Variants in HIVEP3 observed in about 807,000 individuals in gnomAD.
The protein encoded by HIVEP3 is HIVEP zinc finger 3, also known as transcription factor HIVEP3.
Under a neutral mutation model 152.8 loss-of-function variants are expected in HIVEP3, and 49 were observed. The observed-to-expected ratio is 0.32, with a 90% CI of 0.26 to 0.41. The LOEUF is 0.41. Ranked by LOEUF, HIVEP3 falls within the 10% of genes least tolerant of loss-of-function variation. HIVEP3 has a pLI of 1.00. For synonymous variants in HIVEP3, 1,269 were observed against 1,289.0 expected (o/e 0.98, Z 0.33); for missense variants, 2,790 against 3,103.3 (o/e 0.90, Z 2.40).
At chr1:41,719,959 C>T (rs1473899163) in intron 1 of HIVEP3, among the ~76,000 whole-genome samples, 1 of 152,208 alleles carries the variant, frequency 6.6e-6, no homozygotes, top group Non-Finnish European at 1.5e-5. Flanking sequence ...CTAAGTTGCA[C>T]AGGCCAAGAA....
chr1:41,731,462 G>T (rs950510117), intron 1 of HIVEP3, among the ~76,000 whole-genome samples: 9 of 152,148 alleles, frequency 5.9e-5, no homozygotes, highest in Non-Finnish European at 1.5e-5. Context: ...GCCTCCAAAT[G>T]GTTCTCATCT....
At chr1:41,991,845 T>A (rs1645363799) in intron 1 of HIVEP3, among the ~76,000 whole-genome samples, 2 of 118,956 alleles carry the variant, frequency 1.7e-5, no homozygotes, top group South Asian at 6.4e-4. Context: ...TGGTTCAATA[T>A]ACGCAAATCA....
At position 41,513,339 on chromosome 1, in the gene HIVEP3, T is replaced by C; in HGVS notation, c.5882A>G (p.Lys1961Arg). 6.2e-7 allele frequency: 1 copy of C among 1,612,794 alleles called. No individual in the cohort carries two copies. Among genetic ancestry groups the C allele is most frequent in the African/African-American group, 1.3e-5 (1 of 74,982 alleles). ...CCACGGTCTTCTTGGGGACACAGGC[T>C]TGTAGCTCAAGGCTGAGCCTGTGTC... ...EKDTGSALSY[K>R]PVSPRRPWSP... Residue 1961 changes from lysine to arginine, a missense_variant, in exon 8 of 9, where the codon AAG (lysine) becomes AGG (arginine). Physicochemically the swap from Lys to Arg is conservative, Grantham distance 26. Transcript: ENST00000372583.
At chr1:41,942,534 C>A (rs1371705722) in intron 1 of HIVEP3, among the ~76,000 whole-genome samples, 1 of 152,198 alleles carries the variant, frequency 6.6e-6, no homozygotes, top group Non-Finnish European at 1.5e-5. Flanking sequence ...AGTGGTATAA[C>A]CCCTATGGAA....
At chr1:41,994,037 T>C (rs1462080428) in intron 1 of HIVEP3, among the ~76,000 whole-genome samples, 3 of 147,496 alleles carry the variant, frequency 2.0e-5, no homozygotes, top group African/African-American at 2.5e-5. Context: ...CATTGGGAGA[T>C]ATACATAATG....
chr1:41,696,472 A>G (rs1646276322), intron 2 of HIVEP3, among the ~76,000 whole-genome samples: 1 of 152,272 alleles, frequency 6.6e-6, no homozygotes, highest in Non-Finnish European at 1.5e-5. Context: ...AGCTGTCTAC[A>G]TAAGGTGCCC....
At chr1:41,579,543 T>C (rs1464076167) in intron 4 of HIVEP3, among the ~76,000 whole-genome samples, 194 bp downstream of exon 4, 8 of 152,226 alleles carry the variant, frequency 5.3e-5, no homozygotes, top group Admixed American at 5.2e-4. Context: ...TCCAATGATA[T>C]GAGGGATACA....
chr1:41,902,233 A>G (rs1226037660), intron 1 of HIVEP3, among the ~76,000 whole-genome samples: 1 of 152,192 alleles, frequency 6.6e-6, no homozygotes. Flanking sequence ...CATCCGGCCC[A>G]CATTGCTTTC....
intron 1 of HIVEP3, among the ~76,000 whole-genome samples, chr1:41,812,045 C>A (rs1234315208): frequency 1.3e-5 from 2 of 152,006 alleles, no homozygotes; most frequent in Non-Finnish European, 2.9e-5. Context: ...TATAAAGAAC[C>A]CCCAAGGTGA....
chr1:41,778,861 T>C (rs997238117), intron 1 of HIVEP3, among the ~76,000 whole-genome samples: 1 of 151,956 alleles, frequency 6.6e-6, no homozygotes, highest in Non-Finnish European at 1.5e-5. Flanking sequence ...GTACGGAAGA[T>C]CTCTGGAAGA....
chr1:41,510,491 T>C lies in HIVEP3; in HGVS notation c.7181A>G (p.His2394Arg), dbSNP rs775494274. The C allele has an allele frequency of 1.6e-5, 26 of 1,579,118 alleles. No individual in the cohort carries two copies. The highest frequency in any genetic ancestry group is 2.3e-5 in the East Asian group (1 of 43,596). The change falls in exon 9 of 9, where the codon CAT becomes CGT. Residue 2394 changes from histidine to arginine, a missense_variant. Physicochemically the swap from His to Arg is conservative, Grantham distance 29 (BLOSUM62 0). Coordinates refer to ENST00000372583, the MANE Select transcript of HIVEP3 (RefSeq NM_024503.5). ...KPSGSGEPRA[H>R]PHQPEDRVPP... ...AACCCTGTCCTCAGGCTGATGTGGA[T>C]GTGCCCTGGGCTCCCCACTTCCTGA...
At chr1:42,001,022 A>G (rs1645425177) in intron 1 of HIVEP3, among the ~76,000 whole-genome samples, 1 of 152,204 alleles carries the variant, frequency 6.6e-6, no homozygotes, top group Non-Finnish European at 1.5e-5. Context: ...TATTATTTCC[A>G]TTTATGGCTG....
chr1:41,966,472 A>ATTTTTTTTTT (rs1217444785), intron 1 of HIVEP3, among the ~76,000 whole-genome samples: 2 of 46,546 alleles, frequency 4.3e-5, no homozygotes, highest in Non-Finnish European at 8.1e-5. Flanking sequence ...AGTGTGCTGT[A>ATTTTTTTTTT]TTCTTTTTTT....
chr1:41,588,042 C>T (rs1009875654), intron 3 of HIVEP3, among the ~76,000 whole-genome samples: 5 of 152,168 alleles, frequency 3.3e-5, no homozygotes, highest in Non-Finnish European at 7.4e-5. Context: ...CAGCAAAGGT[C>T]GGGGAACTCG....
At chr1:41,987,344 C>T (rs1645330395) in intron 1 of HIVEP3, among the ~76,000 whole-genome samples, 1 of 151,976 alleles carries the variant, frequency 6.6e-6, no homozygotes, top group Non-Finnish European at 1.5e-5. Context: ...ACATTCTGCA[C>T]ATGTATCTAA....
intron 1 of HIVEP3, among the ~76,000 whole-genome samples, chr1:41,730,491 AGC>A (rs1208124497): frequency 6.6e-6 from 1 of 152,210 alleles, no homozygotes; most frequent in African/African-American, 2.4e-5. Flanking sequence ...GCTCCCCATC[AGC>A]ACTCAGTCCT....
chr1:41,963,914 T>G (rs1213846012), intron 1 of HIVEP3, among the ~76,000 whole-genome samples: 1 of 152,208 alleles, frequency 6.6e-6, no homozygotes, highest in Admixed American at 6.5e-5. Flanking sequence ...TTATATAAGC[T>G]CTACTGCTTT....
chr1:41,977,329 T>C (rs545139959), intron 1 of HIVEP3, among the ~76,000 whole-genome samples: 1 of 152,292 alleles, frequency 6.6e-6, no homozygotes, highest in South Asian at 2.1e-4. Context: ...GTTCTTCCCT[T>C]GTGTGAGCTG....
chr1:41,724,249 A>T (rs1383070776), intron 1 of HIVEP3, among the ~76,000 whole-genome samples: 1 of 152,228 alleles, frequency 6.6e-6, no homozygotes, highest in Non-Finnish European at 1.5e-5. Flanking sequence ...CTACAAATGC[A>T]GCTTCAAGAT....
Sources: gnomAD v4.1 joint callset for allele counts (sites outside exome capture counted in the v4.1 genomes callset) on GRCh38, gnomAD v4.1.1 for gene constraint, MANE v1.5 for transcripts, NCBI Gene and HGNC (gene_info 2026-07-23, HGNC 2026-07-21) for gene names.